Variants in SV2B observed in about 807,000 individuals in gnomAD.
SV2B encodes the protein solute carrier family 22 member B2.
Under a neutral mutation model 73.9 loss-of-function variants are expected in SV2B, and 41 were observed. The ratio of observed to expected loss-of-function variants is 0.56; its 90% CI spans 0.43 to 0.72. The LOEUF is 0.72. Among genes scored for constraint, SV2B ranks in the 30% least tolerant of loss-of-function variants. The pLI is 0.00. For synonymous variants in SV2B, 314 were observed against 314.2 expected, an observed-to-expected ratio of 1.00 and a Z score of 0.01; for missense variants, 764 against 857.8, an observed-to-expected ratio of 0.89 and a Z score of 1.37.
chr15:91,171,041 C>G (rs1339353351), intron 1 of SV2B, among the ~76,000 whole-genome samples: 2 of 152,148 alleles, frequency 1.3e-5, no homozygotes, highest in Non-Finnish European at 2.9e-5. Flanking sequence ...AACTACGGCT[C>G]AGAGAGGTGA....
chr15:91,260,745 T>C (rs1464466130), intron 6 of SV2B, among the ~76,000 whole-genome samples: 1 of 152,100 alleles, frequency 6.6e-6, no homozygotes, highest in East Asian at 1.9e-4. Context: ...GACTTACAGT[T>C]CCGCATGGCT....
At chr15:91,189,936 T>C (rs1488869179) in intron 1 of SV2B, among the ~76,000 whole-genome samples, 2 of 151,852 alleles carry the variant, frequency 1.3e-5, no homozygotes, top group African/African-American at 4.8e-5. Flanking sequence ...GGCAGTGAGC[T>C]GAGATTGCGC....
At chr15:91,266,077 A>G (rs932317595) in intron 6 of SV2B, among the ~76,000 whole-genome samples, 1 of 152,158 alleles carries the variant, frequency 6.6e-6, no homozygotes, top group African/African-American at 2.4e-5. Context: ...TGGGAGGCAG[A>G]GGTTGCAGTG....
chr15:91,168,301 C>CCAGAGAGAGA (rs148479247), intron 1 of SV2B, among the ~76,000 whole-genome samples: 1 of 137,200 alleles, frequency 7.3e-6, no homozygotes, highest in Non-Finnish European at 1.6e-5. Flanking sequence ...TGGTGAGATA[C>CCAGAGAGAGA]GAGAGAGAGA....
chr15:91,101,661 G>A (rs1163564220), intron 1 of SV2B, among the ~76,000 whole-genome samples: 1 of 152,088 alleles, frequency 6.6e-6, no homozygotes, highest in Non-Finnish European at 1.5e-5. Flanking sequence ...TAGGCATGGC[G>A]TGGATTTCAG....
intron 1 of SV2B, among the ~76,000 whole-genome samples, chr15:91,212,904 C>G (rs112933294): frequency 0.14 from 21,504 of 151,444 alleles, 3,852 homozygotes; most frequent in African/African-American, 0.43. Flanking sequence ...ACTAAGGTAG[C>G]CCGAGGCAAG....
intron 9 of SV2B, among the ~76,000 whole-genome samples, chr15:91,279,370 A>G (rs1008844640): frequency 6.6e-6 from 1 of 152,242 alleles, no homozygotes; most frequent in Non-Finnish European, 1.5e-5. Context: ...AGTGTATGTA[A>G]TGACAATTTT....
rs200016125 is a variant in SV2B, at chr15:91,125,781, C to CAAAAAAAAAAA, written c.-392+25427_-392+25437dup. ...CAAAGTGAGACCCTGTCTCAAGGGG[C>CAAAAAAAAAAA]AAAAAAAAAAAAAAAAAAATTCAGT... is the stretch of plus-strand genomic sequence containing the variant. On this transcript the variant is annotated intron_variant, in intron 1 of 12. Transcript: ENST00000394232. 1.4e-3 allele frequency among the ~76,000 whole-genome samples: 79 copies of CAAAAAAAAAAA among 57,022 alleles called. 3 individuals are homozygous for CAAAAAAAAAAA. Among genetic ancestry groups the CAAAAAAAAAAA allele is most frequent in the South Asian group, 6.6e-3 (10 of 1,510 alleles). The allele number at this position is 57,022 out of a possible 152,430, so 37.4% of individuals were successfully genotyped here. A position where few individuals can be genotyped will look rare whatever the true frequency, so the allele number is the denominator to read the frequency against.
chr15:91,104,427 G>A (rs1395071616), intron 1 of SV2B, among the ~76,000 whole-genome samples: 1 of 152,204 alleles, frequency 6.6e-6, no homozygotes, highest in Non-Finnish European at 1.5e-5. Flanking sequence ...GGCCTAAGCT[G>A]ATAACTGGCA....
chr15:91,284,901 T>A lies in SV2B; in HGVS notation c.1708+680T>A, dbSNP rs1319930777. On this transcript the variant is annotated intron_variant, in intron 11 of 12. Transcript: ENST00000394232. This position sits in a 1 kb window ranked among gnomAD's most constrained non-coding sequence, Gnocchi z 4.5. ...TGCAGCAATTTATTACAGAAACACA[T>A]GCCATGAATGGTAAACAAGAAGCAA... 6.6e-6 allele frequency among the ~76,000 whole-genome samples: 1 copy of A among 152,090 alleles called. No homozygotes were observed. The highest frequency in any genetic ancestry group is 1.5e-5 in the Non-Finnish European group (1 of 68,014).
At chr15:91,135,776 A>G (rs2042803615) in intron 1 of SV2B, among the ~76,000 whole-genome samples, 1 of 152,204 alleles carries the variant, frequency 6.6e-6, no homozygotes, top group South Asian at 2.1e-4. Flanking sequence ...AGTTTGGGGT[A>G]TGTGCCTAGT....
At chr15:91,274,629 C>CT (rs2048424638) in intron 9 of SV2B, among the ~76,000 whole-genome samples, 2 of 152,112 alleles carry the variant, frequency 1.3e-5, no homozygotes, top group Admixed American at 1.3e-4. Flanking sequence ...GTAAGTCCTC[C>CT]TTTTTTGTAC....
At chr15:91,189,256 A>G (rs2044904684) in intron 1 of SV2B, among the ~76,000 whole-genome samples, 1 of 151,372 alleles carries the variant, frequency 6.6e-6, no homozygotes, top group African/African-American at 2.4e-5. Context: ...ATTTTGTGTT[A>G]TTCTAGTCAT....
At chr15:91,187,721 G>A (rs948870885) in intron 1 of SV2B, among the ~76,000 whole-genome samples, 4 of 151,530 alleles carry the variant, frequency 2.6e-5, no homozygotes, top group Admixed American at 2.0e-4. Flanking sequence ...ATGATAAGTA[G>A]ATTTGTATAA....
intron 1 of SV2B, among the ~76,000 whole-genome samples, chr15:91,155,309 C>T (rs1403558230): frequency 2.0e-5 from 3 of 152,202 alleles, no homozygotes; most frequent in Non-Finnish European, 4.4e-5. Flanking sequence ...GTTTCAGGAT[C>T]CTATGCCAGT....
intron 9 of SV2B, among the ~76,000 whole-genome samples, chr15:91,278,785 CT>C (rs2048587525): frequency 2.0e-5 from 3 of 151,166 alleles, no homozygotes; most frequent in Admixed American, 2.0e-4. Context: ...TGAAGTGATC[CT>C]CTTATTTGTC....
In SV2B at chr15:91,234,220, A is replaced by T. The variant is rs1406940723; in HGVS notation, c.451+7506A>T. On this transcript the variant is annotated intron_variant, in intron 2 of 12. Transcript: ENST00000394232. The surrounding 1 kb of genome is among the most constrained non-coding windows in gnomAD (Gnocchi z 5.6). ...TGTTAGAGCGGATTTTTCATTTCAG[A>T]CTTACTCACCCTCACTTGGAGGGTT... 6.6e-6 allele frequency among the ~76,000 whole-genome samples: 1 copy of T among 152,176 alleles called. No individual in the cohort carries two copies. Among genetic ancestry groups the T allele is most frequent in the Non-Finnish European group, 1.5e-5 (1 of 68,018 alleles).
chr15:91,282,970 C>T (rs1251666370), intron 10 of SV2B, among the ~76,000 whole-genome samples: 1 of 152,198 alleles, frequency 6.6e-6, no homozygotes, highest in African/African-American at 2.4e-5. Flanking sequence ...GATGCCTCCT[C>T]ATTTGAATAC....
At chr15:91,270,688 T>G (rs750330311) in intron 9 of SV2B, among the ~76,000 whole-genome samples, 1 of 152,236 alleles carries the variant, frequency 6.6e-6, no homozygotes, top group Non-Finnish European at 1.5e-5. Context: ...TCTGTCATTT[T>G]AACTTTGCTC....
Sources: gnomAD v4.1 joint callset for allele counts (sites outside exome capture counted in the v4.1 genomes callset) on GRCh38, gnomAD v4.1.1 for gene constraint, Gnocchi (gnomAD v3.1) non-coding constraint, MANE v1.5 for transcripts, NCBI Gene and HGNC (gene_info 2026-07-23, HGNC 2026-07-21) for gene names.